BCAS3: variants seen among roughly 807,000 people sequenced by gnomAD.
BCAS3 encodes BCAS3 microtubule associated cell migration factor, also known as BCAS4/BCAS3 fusion.
In BCAS3, 53 loss-of-function variants were observed where a neutral mutation model predicts 116.1. The observed-to-expected ratio is 0.46, with a 90% CI of 0.37 to 0.57. The LOEUF (loss-of-function observed/expected upper bound fraction) is 0.57. Ranked by LOEUF, BCAS3 falls within the 20% of genes least tolerant of loss-of-function variation. The pLI is 0.00. For missense variants in BCAS3, 917 were observed against 1,165.4 expected (o/e 0.79, Z 3.10); for synonymous variants, 391 against 408.2 (o/e 0.96, Z 0.51).
At position 61,181,242 on chromosome 17, in the gene BCAS3, G is replaced by A. The variant is rs2079463884; in HGVS notation, c.2425+96678G>A. Among the ~76,000 whole-genome samples, 1 of 152,116 alleles carries A rather than the reference G, an allele frequency of 6.6e-6. No individual in the cohort carries two copies. The highest frequency in any genetic ancestry group is 1.5e-5 in the Non-Finnish European group (1 of 68,006). The stretch of plus-strand genomic sequence containing the variant: ...TTTAATTAATTAATTGGTATGACTG[G>A]TGAGGAACAAGATGATTCGTTCCTT... On this transcript the variant is annotated intron_variant, in intron 22 of 23. Coordinates refer to ENST00000407086, the MANE Select transcript of BCAS3 (RefSeq NM_017679.5). This position sits in a 1 kb window ranked among gnomAD's most constrained non-coding sequence, Gnocchi z 5.0.
intron 22 of BCAS3, among the ~76,000 whole-genome samples, chr17:61,306,750 C>T (rs2053888582): frequency 6.6e-6 from 1 of 152,084 alleles, no homozygotes; most frequent in African/African-American, 2.4e-5. Flanking sequence ...GCTGTGATTG[C>T]ACCACTGCAC....
chr17:60,872,011 T>A (rs1227221413), intron 8 of BCAS3, among the ~76,000 whole-genome samples: 2 of 152,082 alleles, frequency 1.3e-5, no homozygotes, highest in Non-Finnish European at 2.9e-5. Flanking sequence ...TTATGAACCA[T>A]CCTTTGTTAA....
chr17:60,932,693 G>C (rs2059714567), intron 13 of BCAS3, among the ~76,000 whole-genome samples: 1 of 128,336 alleles, frequency 7.8e-6, no homozygotes, highest in Non-Finnish European at 1.6e-5. Flanking sequence ...AGTGAGCCAA[G>C]ATGGTGCCAC....
Position 61,044,465 on chromosome 17 carries a change from A to AAAAAAAAAAATATATAT in BCAS3, c.2029+3574_2029+3575insAAAAAAAAATATATATA. 4.1e-4 allele frequency among the ~76,000 whole-genome samples: 49 copies of AAAAAAAAAAATATATAT among 120,088 alleles called. 1 individual carries two copies. The highest frequency in any genetic ancestry group is 2.0e-3 in the African/African-American group (40 of 20,028). The allele number at this position is 120,088 out of a possible 152,430, so 78.8% of individuals were successfully genotyped here. On this transcript the variant is annotated intron_variant, in intron 19 of 23. Coordinates refer to ENST00000407086, the MANE Select transcript of BCAS3 (RefSeq NM_017679.5). ...CTGTCTCAAAAAAAAAAAAAAAAAA[A>AAAAAAAAAAATATATAT]ATATATATATATATGCCATAAGAAC...
chr17:60,701,809 A>C (rs1263000799), intron 4 of BCAS3, among the ~76,000 whole-genome samples: 2 of 137,744 alleles, frequency 1.5e-5, no homozygotes, highest in Admixed American at 6.9e-5. Flanking sequence ...AAAATACAAA[A>C]AAAAAAAAAA....
chr17:61,061,912 T>C (rs1055910096), intron 19 of BCAS3, among the ~76,000 whole-genome samples: 1 of 152,120 alleles, frequency 6.6e-6, no homozygotes, highest in Non-Finnish European at 1.5e-5. Flanking sequence ...ACAGAGATAA[T>C]GATAAATAAA....
chr17:60,953,878 C>T (rs1272414023), intron 14 of BCAS3, among the ~76,000 whole-genome samples: 1 of 151,966 alleles, frequency 6.6e-6, no homozygotes, highest in East Asian at 1.9e-4. Context: ...GGCTTAGAGG[C>T]ACCTGCCACC....
intron 7 of BCAS3, among the ~76,000 whole-genome samples, chr17:60,835,632 T>C (rs1051289834): frequency 6.6e-6 from 1 of 152,092 alleles, no homozygotes; most frequent in Admixed American, 6.5e-5. Context: ...GAAAAGCTTT[T>C]CTTATCAGGC....
chr17:60,791,226 C>G (rs1387742300), intron 6 of BCAS3, among the ~76,000 whole-genome samples: 1 of 152,138 alleles, frequency 6.6e-6, no homozygotes, highest in Non-Finnish European at 1.5e-5. Flanking sequence ...AATTTTCAGT[C>G]TTAATTATTA....
At chr17:60,762,439 C>G (rs1388293624) in intron 6 of BCAS3, among the ~76,000 whole-genome samples, 1 of 152,142 alleles carries the variant, frequency 6.6e-6, no homozygotes, top group African/African-American at 2.4e-5. Flanking sequence ...TTTCCCAACA[C>G]CATTTATTAA....
rs956542470 is a variant in BCAS3 at position 61,349,945 on chromosome 17, G to C, written c.2426-18382G>C. On this transcript the variant is annotated intron_variant, in intron 22 of 23. Coordinates refer to ENST00000407086, the MANE Select transcript of BCAS3 (RefSeq NM_017679.5). The surrounding 1 kb of genome is among the most constrained non-coding windows in gnomAD (Gnocchi z 4.7). ...AAACATTGTCATTCATTTCTGAATA[G>C]TTAAGATCAATAATCTCTCCTGAAC... Among the ~76,000 whole-genome samples the C allele has an allele frequency of 6.6e-6, 1 of 152,194 alleles. No individual in the cohort carries two copies. The highest frequency in any genetic ancestry group is 1.5e-5 in the Non-Finnish European group (1 of 68,038).
chr17:61,368,399 T>C lies in BCAS3; in HGVS notation c.2498T>C (p.Met833Thr), dbSNP rs751863474. The change falls in exon 23 of 24, where the codon ATG becomes ACG. Residue 833 changes from methionine (M) to threonine (T), a missense_variant. Coordinates refer to ENST00000407086, the MANE Select transcript of BCAS3 (RefSeq NM_017679.5). The surrounding 1 kb of genome is among the most constrained non-coding windows in gnomAD (Gnocchi z 6.0). Reference sequence around the variant, plus strand: ...CCTGAGGGCTTCGGGCTGCGGCACATGTCCTCCATGGAGCACACGGAGGAG... The same window carrying C: ...CCTGAGGGCTTCGGGCTGCGGCACACGTCCTCCATGGAGCACACGGAGGAG... ...SWPEGFGLRH[M>T]SSMEHTEEGL... 7 of 1,613,050 alleles carry C rather than the reference T, an allele frequency of 4.3e-6. No individual in the cohort carries two copies. Among genetic ancestry groups the C allele is most frequent in the South Asian group, 1.1e-5 (1 of 91,062 alleles).
rs955720228 is a variant in BCAS3, at chr17:61,251,792, A to G, written c.2426-116535A>G. 4.6e-5 allele frequency among the ~76,000 whole-genome samples: 7 copies of G among 152,212 alleles called. No individual in the cohort carries two copies. Among genetic ancestry groups the G allele is most frequent in the Non-Finnish European group, 8.8e-5 (6 of 68,028 alleles). On this transcript the variant is annotated intron_variant, in intron 22 of 23. Transcript: ENST00000407086. This position sits in a 1 kb window ranked among gnomAD's most constrained non-coding sequence, Gnocchi z 4.7. Reference sequence around the variant, plus strand: ...GCTAGGTTCCCAGCTATACTGGATTATTAGACAAAGCTACCCACTCCATCT... The same window carrying G: ...GCTAGGTTCCCAGCTATACTGGATTGTTAGACAAAGCTACCCACTCCATCT...
intron 6 of BCAS3, among the ~76,000 whole-genome samples, chr17:60,776,947 G>A (rs1044801267): frequency 2.0e-5 from 3 of 151,204 alleles, no homozygotes; most frequent in Admixed American, 6.6e-5. Context: ...CCCAGGAGGC[G>A]GAGGTTGCGG....
chr17:60,767,583 GTGATCCACCCTC>G (rs1250153989), intron 6 of BCAS3, among the ~76,000 whole-genome samples: 1 of 151,998 alleles, frequency 6.6e-6, no homozygotes, highest in African/African-American at 2.4e-5. Context: ...CTCACCTCAA[GTGATCCACCCTC>G]TTCAGCCTCC....
intron 19 of BCAS3, among the ~76,000 whole-genome samples, chr17:61,067,740 A>ATATATAT (rs1555697138): frequency 9.6e-4 from 128 of 133,732 alleles, no homozygotes; most frequent in African/African-American, 4.0e-3. Context: ...AAAAAAAAAA[A>ATATATAT]ATATATATAT....
rs1284762548 is a variant in BCAS3, at chr17:61,199,983, A to G, written c.2425+115419A>G. The stretch of plus-strand genomic sequence containing the variant: ...CTCCACAACATTCAAGCCTTGTTAT[A>G]TAAGGAAATTGGAAACACCAATTTT... On this transcript the variant is annotated intron_variant, in intron 22 of 23. Transcript: ENST00000407086. This position sits in a 1 kb window ranked among gnomAD's most constrained non-coding sequence, Gnocchi z 4.6. Among the ~76,000 whole-genome samples the G allele has an allele frequency of 6.6e-6, 1 of 152,160 alleles. No individual in the cohort carries two copies. Among genetic ancestry groups the G allele is most frequent in the African/African-American group, 2.4e-5 (1 of 41,432 alleles).
intron 19 of BCAS3, among the ~76,000 whole-genome samples, chr17:61,054,210 C>T (rs1188806962): frequency 1.3e-5 from 2 of 152,192 alleles, no homozygotes; most frequent in African/African-American, 2.4e-5. Flanking sequence ...CATTGCTGGT[C>T]TCGAGATGTT....
intron 16 of BCAS3, among the ~76,000 whole-genome samples, chr17:61,016,426 T>A (rs2065463175): frequency 1.3e-5 from 2 of 152,242 alleles, no homozygotes; most frequent in African/African-American, 4.8e-5. Flanking sequence ...ATTTGGGCTT[T>A]ATTTAAGATT....
Sources: gnomAD v4.1 joint callset for allele counts (sites outside exome capture counted in the v4.1 genomes callset) on GRCh38, gnomAD v4.1.1 for gene constraint, Gnocchi (gnomAD v3.1) non-coding constraint, MANE v1.5 for transcripts, NCBI Gene and HGNC (gene_info 2026-07-23, HGNC 2026-07-21) for gene names.